TTLL9: variants seen among roughly 807,000 people sequenced by gnomAD.
The protein encoded by TTLL9 is probable tubulin polyglutamylase TTLL9.
TTLL9 carries 47 observed loss-of-function variants against 65.6 expected under a neutral mutation model. That is an observed-to-expected ratio of 0.72 (90% CI 0.57 to 0.91). TTLL9 has a LOEUF of 0.91. Among genes scored for constraint, TTLL9 ranks in the 40% least tolerant of loss-of-function variants. The pLI, the probability that TTLL9 is intolerant of heterozygous loss-of-function variation, is 0.00. For synonymous variants in TTLL9, 179 were observed against 204.8 expected (o/e 0.87, Z 1.07); for missense variants, 537 against 568.8 (o/e 0.94, Z 0.57).
chr20:31,903,629 T>C (rs1469603619), intron 4 of TTLL9, among the ~76,000 whole-genome samples: 1 of 152,216 alleles, frequency 6.6e-6, no homozygotes, highest in Non-Finnish European at 1.5e-5. Flanking sequence ...AGATCTTCGA[T>C]TTAATTTTTT....
chr20:31,920,150 C>T (rs1398043892), intron 7 of TTLL9, among the ~76,000 whole-genome samples: 2 of 152,192 alleles, frequency 1.3e-5, no homozygotes, highest in Admixed American at 6.5e-5. Context: ...GAGCAAGTTA[C>T]TTCACCTGTC....
Position 31,934,799 on chromosome 20 carries a change from C to A in TTLL9, c.915C>A (p.Ser305Arg). ...ACATCGACAACATCTTTGTCAAAAG[C>A]CTGCAGAGTGTGCAGAAGGTGATCA... ...FRDIDNIFVK[S>R]LQSVQKVIIS... The change falls in exon 12 of 15, where the codon AGC becomes AGA. Residue 305 changes from serine to arginine, a missense_variant. Transcript: ENST00000535842. 6.2e-7 allele frequency: 1 copy of A among 1,613,990 alleles called. No individual in the cohort carries two copies. The highest frequency in any genetic ancestry group is 8.5e-7 in the Non-Finnish European group (1 of 1,180,032).
At chr20:31,906,747 C>G (rs1256875456) in intron 4 of TTLL9, among the ~76,000 whole-genome samples, 1 of 152,098 alleles carries the variant, frequency 6.6e-6, no homozygotes, top group Non-Finnish European at 1.5e-5. Context: ...CCCCCCTGCT[C>G]AAGTGATTCT....
chr20:31,887,895 T>TCTCTTCTCTA (rs2063219898), intron 3 of TTLL9, among the ~76,000 whole-genome samples: 1 of 151,616 alleles, frequency 6.6e-6, no homozygotes, highest in African/African-American at 2.4e-5. Flanking sequence ...TCTCTTCTCT[T>TCTCTTCTCTA]CTCTTCTCTT....
chr20:31,874,494 C>T (rs1180494178), intron 2 of TTLL9, among the ~76,000 whole-genome samples: 4 of 151,400 alleles, frequency 2.6e-5, no homozygotes, highest in Admixed American at 1.3e-4. Flanking sequence ...TCAGTGCAAC[C>T]TCTGCTTCCC....
Position 31,943,093 on chromosome 20 carries a change from C to A in TTLL9, c.*72C>A. 3 of 1,351,782 alleles carry A rather than the reference C, an allele frequency of 2.2e-6. No individual in the cohort carries two copies. Among genetic ancestry groups the A allele is most frequent in the Non-Finnish European group, 3.2e-6 (3 of 947,384 alleles). 83.7% of individuals were successfully genotyped at this position (1,351,782 alleles called of 1,614,324 possible). On this transcript the variant is annotated 3_prime_UTR_variant, in exon 15 of 15. Transcript: ENST00000535842. ...CCTCCCCCCCACTCCCAGATCCCAG[C>A]ACAGCACCTCACAGCATTCGCCTCC...
chr20:31,925,102 G>T (rs2063878341), intron 9 of TTLL9, 53 bp downstream of exon 9: 3 of 1,600,294 alleles, frequency 1.9e-6, no homozygotes, highest in Admixed American at 1.7e-5. Context: ...GGGTGGCTGG[G>T]CTAGGGAGAT....
chr20:31,884,003 G>C, intron 2 of TTLL9: 1 of 490,110 alleles, frequency 2.0e-6, no homozygotes, highest in Non-Finnish European at 3.7e-6. Flanking sequence ...AAGTAAGTAA[G>C]TCTGCCTTTA....
At chr20:31,887,855 C>CCTCTCCTCTTCTCTT (rs1555807859) in intron 3 of TTLL9, among the ~76,000 whole-genome samples, 18 of 114,892 alleles carry the variant, frequency 1.6e-4, no homozygotes, top group Non-Finnish European at 1.9e-4. Context: ...TATCTCCTCT[C>CCTCTCCTCTTCTCTT]CTCTTCTCTT....
chr20:31,887,194 A>T lies in TTLL9; in HGVS notation c.70-2A>T. 6.2e-7 allele frequency: 1 copy of T among 1,614,220 alleles called. No homozygotes were observed. Among genetic ancestry groups the T allele is most frequent in the Non-Finnish European group, 8.5e-7 (1 of 1,180,034 alleles). ...TACATCCTTTTCCTTTCCTCATTGC[A>T]GAACCAAAATTACAAGGGCCATGGA... On this transcript the variant is annotated splice_acceptor_variant, in intron 2 of 14. Coordinates refer to ENST00000535842, the MANE Select transcript of TTLL9 (RefSeq NM_001008409.5). LOFTEE classifies it high-confidence loss of function.
At position 31,911,326 on chromosome 20, in the gene TTLL9, T is replaced by C. The variant is rs144112713; in HGVS notation, c.504+1404T>C. ...GAATGGCATCATCAAAGCCCTCTTA[T>C]GTTTTCCAGGCCTGAGAATGTTCCA... On this transcript the variant is annotated intron_variant, in intron 6 of 14. Coordinates refer to ENST00000535842, the MANE Select transcript of TTLL9 (RefSeq NM_001008409.5). Among the ~76,000 whole-genome samples the C allele has an allele frequency of 4.1e-3, 621 of 152,322 alleles. 5 individuals are homozygous for C. Among genetic ancestry groups the C allele is most frequent in the African/African-American group, 0.014 (586 of 41,570 alleles).
intron 4 of TTLL9, among the ~76,000 whole-genome samples, chr20:31,902,730 A>T (rs991645901): frequency 2.6e-5 from 4 of 152,098 alleles, no homozygotes; most frequent in Non-Finnish European, 4.4e-5. Context: ...GTGATATGAT[A>T]ACTCTATGTT....
rs769613220 is a variant in TTLL9, at chr20:31,909,844, C to T, written c.426C>T (p.Thr142=). 3 of 1,613,840 alleles carry T rather than the reference C, an allele frequency of 1.9e-6. No individual in the cohort carries two copies. In the African/African-American group the frequency reaches 4.0e-5, roughly 22 times the overall value. The part of the protein sequence containing the change: ...EAAKCDFFPK[T]FEMPCEYHLF... The stretch of plus-strand genomic sequence containing the variant: ...CCAAGTGTGACTTCTTCCCCAAAAC[C>T]TTTGAGATGCCTTGCGAGTACCACC... The change falls in exon 6 of 15, where the codon ACC becomes ACT. Residue 142 remains threonine (T), a synonymous_variant. Coordinates refer to ENST00000535842, the MANE Select transcript of TTLL9 (RefSeq NM_001008409.5).
intron 3 of TTLL9, among the ~76,000 whole-genome samples, chr20:31,896,369 T>G (rs1372410361): frequency 6.6e-6 from 1 of 152,182 alleles, no homozygotes; most frequent in Non-Finnish European, 1.5e-5. Context: ...TTAGCTCGAG[T>G]TTTTTTAAGA....
chr20:31,879,866 C>T, intron 2 of TTLL9: 3 of 1,550,304 alleles, frequency 1.9e-6, no homozygotes, highest in South Asian at 1.2e-5. Flanking sequence ...TGGATCTGGC[C>T]CCTGGGGAAT....
intron 13 of TTLL9, among the ~76,000 whole-genome samples, chr20:31,938,671 C>T (rs769214328): frequency 3.0e-4 from 46 of 152,036 alleles, no homozygotes; most frequent in Non-Finnish European, 5.3e-4. Flanking sequence ...TGAGGTCAGG[C>T]GTTTGAGACC....
intron 3 of TTLL9, among the ~76,000 whole-genome samples, chr20:31,887,569 C>T (rs1348163442): frequency 2.0e-5 from 3 of 152,166 alleles, no homozygotes; most frequent in Non-Finnish European, 2.9e-5. Flanking sequence ...TAGTTGGACT[C>T]CAGGGCCCAC....
chr20:31,907,694 C>T (rs1413761382), intron 4 of TTLL9, among the ~76,000 whole-genome samples: 2 of 150,652 alleles, frequency 1.3e-5, no homozygotes, highest in African/African-American at 4.9e-5. Flanking sequence ...GCACTCCAGC[C>T]TGGGTAACAA....
At chr20:31,888,597 G>A (rs12373853) in intron 3 of TTLL9, among the ~76,000 whole-genome samples, 22,039 of 151,902 alleles carry the variant, frequency 0.15, 1,923 homozygotes, top group Non-Finnish European at 0.19. Flanking sequence ...TCAGCCTCCC[G>A]AGTAGCTGAA....
Sources: gnomAD v4.1 joint callset for allele counts (sites outside exome capture counted in the v4.1 genomes callset) on GRCh38, gnomAD v4.1.1 for gene constraint, MANE v1.5 for transcripts, NCBI Gene and HGNC (gene_info 2026-07-23, HGNC 2026-07-21) for gene names.